ADAMTS12: variants seen among roughly 807,000 people sequenced by gnomAD.
ADAMTS12 encodes the protein A disintegrin and metalloproteinase with thrombospondin motifs 12.
Under a neutral mutation model 167.8 loss-of-function variants are expected in ADAMTS12, and 118 were observed. That is an observed-to-expected ratio of 0.70 (90% CI 0.61 to 0.82). The LOEUF (loss-of-function observed/expected upper bound fraction) is 0.82. Among genes scored for constraint, ADAMTS12 ranks in the 40% least tolerant of loss-of-function variants. The pLI, the probability that ADAMTS12 is intolerant of heterozygous loss-of-function variation, is 0.00. For missense variants in ADAMTS12, 1,916 were observed against 1,998.8 expected, an observed-to-expected ratio of 0.96 and a Z score of 0.79; for synonymous variants, 704 against 716.9, an observed-to-expected ratio of 0.98 and a Z score of 0.29.
chr5:33,794,358 C>T (rs1228055510), intron 2 of ADAMTS12, among the ~76,000 whole-genome samples: 1 of 152,110 alleles, frequency 6.6e-6, no homozygotes, highest in East Asian at 1.9e-4. Flanking sequence ...TTCTTGCAGT[C>T]GATCTGGAGC....
intron 2 of ADAMTS12, among the ~76,000 whole-genome samples, chr5:33,841,187 T>C (rs1352072021): frequency 2.0e-5 from 3 of 152,186 alleles, no homozygotes; most frequent in African/African-American, 7.2e-5. Context: ...CCAGTACTGC[T>C]AGGGTTTGGT....
intron 2 of ADAMTS12, among the ~76,000 whole-genome samples, chr5:33,763,834 T>G (rs1159956907): frequency 6.6e-6 from 1 of 152,220 alleles, no homozygotes; most frequent in Non-Finnish European, 1.5e-5. Flanking sequence ...ACTACTGATA[T>G]GGAATGGAGA....
chr5:33,757,295 G>T (rs1050025758), intron 2 of ADAMTS12, among the ~76,000 whole-genome samples: 2 of 152,176 alleles, frequency 1.3e-5, no homozygotes, highest in Admixed American at 6.5e-5. Context: ...GAAACACCTG[G>T]ATATAAAAAA....
At chr5:33,849,615 A>ATG (rs1749134457) in intron 2 of ADAMTS12, among the ~76,000 whole-genome samples, 2 of 87,544 alleles carry the variant, frequency 2.3e-5, no homozygotes, top group Non-Finnish European at 2.6e-5. Context: ...AGCAATATAT[A>ATG]TGTATTGCAT....
At chr5:33,706,291 T>G (rs1281017051) in intron 3 of ADAMTS12, among the ~76,000 whole-genome samples, 1 of 152,110 alleles carries the variant, frequency 6.6e-6, no homozygotes, top group African/African-American at 2.4e-5. Flanking sequence ...ATATTGACAG[T>G]GGGGTGTTAA....
chr5:33,554,022 G>A (rs1324249498), intron 20 of ADAMTS12, among the ~76,000 whole-genome samples: 1 of 152,150 alleles, frequency 6.6e-6, no homozygotes, highest in African/African-American at 2.4e-5. Context: ...AGCTGAGGCA[G>A]GAGAATTCAC....
intron 5 of ADAMTS12, among the ~76,000 whole-genome samples, chr5:33,668,085 G>A (rs1190707475): frequency 6.6e-6 from 1 of 152,158 alleles, no homozygotes; most frequent in Non-Finnish European, 1.5e-5. Flanking sequence ...GTTACGTCCT[G>A]ATAAACCTGT....
At chr5:33,598,966 C>T (rs1738052162) in intron 16 of ADAMTS12, among the ~76,000 whole-genome samples, 1 of 152,214 alleles carries the variant, frequency 6.6e-6, no homozygotes, top group Non-Finnish European at 1.5e-5. Context: ...CCAGCTACCA[C>T]AGTGGGGAAA....
At chr5:33,728,045 T>C (rs1744050221) in intron 3 of ADAMTS12, among the ~76,000 whole-genome samples, 2 of 152,076 alleles carry the variant, frequency 1.3e-5, no homozygotes. Flanking sequence ...AAGGAACAAA[T>C]ATATTAAACA....
At position 33,523,758 on chromosome 5, in the gene ADAMTS12, T is replaced by A. The variant is rs1316111329; in HGVS notation, c.*3430A>T. The A allele has an allele frequency of 6.6e-6, 1 of 152,202 alleles. No homozygotes were observed. Among genetic ancestry groups the A allele is most frequent in the Non-Finnish European group, 1.5e-5 (1 of 68,020 alleles). The allele number at this position is 152,202 out of a possible 1,614,324, so 9.4% of individuals were successfully genotyped here. ...GATTGTGCTTTACCCACCATGTTTT[T>A]TAGTAACATAACTTAGAATACTACT... is the stretch of plus-strand genomic sequence containing the variant. On this transcript the variant is annotated 3_prime_UTR_variant, in exon 24 of 24. Coordinates refer to ENST00000504830, the MANE Select transcript of ADAMTS12 (RefSeq NM_030955.4).
intron 9 of ADAMTS12, among the ~76,000 whole-genome samples, chr5:33,646,179 G>A (rs934989262): frequency 3.3e-5 from 5 of 151,988 alleles, no homozygotes; most frequent in African/African-American, 9.7e-5. Flanking sequence ...AGTAAACAAT[G>A]GGATACCCTG....
At chr5:33,604,449 G>A (rs1280278634) in intron 16 of ADAMTS12, among the ~76,000 whole-genome samples, 1 of 151,262 alleles carries the variant, frequency 6.6e-6, no homozygotes, top group African/African-American at 2.4e-5. Flanking sequence ...TGCAGTGAGC[G>A]GAAATTACGC....
At chr5:33,764,156 T>A (rs1259760383) in intron 2 of ADAMTS12, among the ~76,000 whole-genome samples, 1 of 152,200 alleles carries the variant, frequency 6.6e-6, no homozygotes, top group Non-Finnish European at 1.5e-5. Flanking sequence ...CGTCTACACA[T>A]ACAAATGCAT....
chr5:33,602,123 C>T (rs1281911176), intron 16 of ADAMTS12, among the ~76,000 whole-genome samples: 1 of 152,142 alleles, frequency 6.6e-6, no homozygotes, highest in East Asian at 1.9e-4. Context: ...AGGCAAAGCT[C>T]CACAGAAACC....
At chr5:33,815,439 A>C (rs1747614301) in intron 2 of ADAMTS12, among the ~76,000 whole-genome samples, 1 of 152,200 alleles carries the variant, frequency 6.6e-6, no homozygotes, top group Admixed American at 6.5e-5. Flanking sequence ...ATGCAGCAAG[A>C]AGTCAGCCAG....
chr5:33,884,411 C>A (rs62352460), intron 1 of ADAMTS12, among the ~76,000 whole-genome samples: 2 of 152,166 alleles, frequency 1.3e-5, no homozygotes, highest in African/African-American at 4.8e-5. Flanking sequence ...CACTCCTGGC[C>A]GTGCTTTTGG....
chr5:33,670,009 A>G (rs567737299), intron 5 of ADAMTS12, among the ~76,000 whole-genome samples: 2 of 152,264 alleles, frequency 1.3e-5, no homozygotes, highest in Admixed American at 6.5e-5. Context: ...GATAAATTGG[A>G]TCACATCAAA....
chr5:33,665,002 T>C (rs1484126235), intron 5 of ADAMTS12, among the ~76,000 whole-genome samples: 2 of 151,726 alleles, frequency 1.3e-5, no homozygotes, highest in African/African-American at 2.4e-5. Flanking sequence ...ACTGGCCAGG[T>C]GGCATGAATC....
chr5:33,825,567 A>C (rs1221411389), intron 2 of ADAMTS12, among the ~76,000 whole-genome samples: 1 of 152,242 alleles, frequency 6.6e-6, no homozygotes, highest in Non-Finnish European at 1.5e-5. Context: ...ACTAAAGGGC[A>C]AAAAGCATAT....
Sources: gnomAD v4.1 joint callset for allele counts (sites outside exome capture counted in the v4.1 genomes callset) on GRCh38, gnomAD v4.1.1 for gene constraint, MANE v1.5 for transcripts, NCBI Gene and HGNC (gene_info 2026-07-23, HGNC 2026-07-21) for gene names.